The following EYA1 variants were observed in gnomAD, a reference collection of about 807,000 sequenced individuals.
EYA1 encodes the protein protein phosphatase EYA1.
In EYA1, 16 loss-of-function variants were observed where a neutral mutation model predicts 82.0. The ratio of observed to expected loss-of-function variants is 0.20; its 90% CI spans 0.13 to 0.30. The LOEUF (loss-of-function observed/expected upper bound fraction) is 0.30, where lower values mean the gene tolerates loss of function less well. Among genes scored for constraint, EYA1 ranks in the 10% least tolerant of loss-of-function variants. The pLI is 1.00. For synonymous variants in EYA1, 261 were observed against 264.4 expected, an observed-to-expected ratio of 0.99 and a Z score of 0.12; for missense variants, 633 against 730.7, an observed-to-expected ratio of 0.87 and a Z score of 1.54.
At chr8:71,316,312 T>C (rs530908211) in intron 7 of EYA1, among the ~76,000 whole-genome samples, 7 of 152,242 alleles carry the variant, frequency 4.6e-5, no homozygotes, top group African/African-American at 1.7e-4. Flanking sequence ...GGTGTGTAGA[T>C]AAGATATGCA....
At chr8:71,459,516 T>C (rs368614090) in intron 2 of EYA1, among the ~76,000 whole-genome samples, 1 of 152,324 alleles carries the variant, frequency 6.6e-6, no homozygotes, top group East Asian at 1.9e-4. Flanking sequence ...CTTGTCTCCA[T>C]GTTAACCAAG....
At chr8:71,428,797 CAG>C (rs1310187218) in intron 2 of EYA1, among the ~76,000 whole-genome samples, 2 of 152,152 alleles carry the variant, frequency 1.3e-5, no homozygotes, top group Non-Finnish European at 2.9e-5. Context: ...AAAAAAACCT[CAG>C]AGTCATTGTG....
chr8:71,343,947 A>G (rs1825431978), intron 3 of EYA1, among the ~76,000 whole-genome samples: 1 of 152,218 alleles, frequency 6.6e-6, no homozygotes, highest in African/African-American at 2.4e-5. Context: ...TACACAGTGA[A>G]CACCTATAAA....
chr8:71,359,736 C>CT lies in EYA1; in HGVS notation c.-55+1910dup, dbSNP rs1471441607. On this transcript the variant is annotated intron_variant, in intron 1 of 17. Transcript: ENST00000340726. ...TTTATAAAATGACTATAATTTAAAA[C>CT]TTTTTTTTCAAACTGAAAAGAAATT... Among the ~76,000 whole-genome samples, 18 of 151,960 alleles carry CT rather than the reference C, an allele frequency of 1.2e-4. No homozygotes were observed. The East Asian group carries it at 2.7e-3, about 23-fold the overall frequency.
At chr8:71,226,705 T>C (rs1413672595) in intron 12 of EYA1, among the ~76,000 whole-genome samples, 1 of 150,894 alleles carries the variant, frequency 6.6e-6, no homozygotes, top group Non-Finnish European at 1.5e-5. Flanking sequence ...AATTAAAAGA[T>C]AATAGCATAT....
At chr8:71,411,784 C>A (rs1281010373) in intron 2 of EYA1, among the ~76,000 whole-genome samples, 1 of 145,056 alleles carries the variant, frequency 6.9e-6, no homozygotes, top group Non-Finnish European at 1.5e-5. Context: ...GTTGCTGGGA[C>A]TGTAAACTAG....
intron 3 of EYA1, among the ~76,000 whole-genome samples, chr8:71,348,889 A>T (rs185954333): frequency 6.6e-6 from 1 of 152,204 alleles, no homozygotes; most frequent in African/African-American, 2.4e-5. Context: ...AAGTGTGACT[A>T]AATTTATCAC....
intron 2 of EYA1, among the ~76,000 whole-genome samples, chr8:71,472,788 G>GATATATATAT (rs71264559): frequency 0.025 from 3,180 of 126,670 alleles, 70 homozygotes; most frequent in Middle Eastern, 0.041. Flanking sequence ...TAGCTTTGAA[G>GATATATATAT]ATATATATAT....
At chr8:71,510,397 C>T (rs985698165) in intron 2 of EYA1, among the ~76,000 whole-genome samples, 3 of 152,070 alleles carry the variant, frequency 2.0e-5, no homozygotes, top group Non-Finnish European at 4.4e-5. Context: ...TGTATTAGTC[C>T]GTTCTCATGC....
At chr8:71,369,687 A>G (rs1478332804) in intron 2 of EYA1, among the ~76,000 whole-genome samples, 1 of 152,226 alleles carries the variant, frequency 6.6e-6, no homozygotes, top group Admixed American at 6.5e-5. Flanking sequence ...AGCACATAGG[A>G]GGTGCTTGGT....
intron 2 of EYA1, among the ~76,000 whole-genome samples, chr8:71,474,906 T>G (rs895049040): frequency 6.6e-6 from 1 of 152,010 alleles, no homozygotes. Flanking sequence ...CCTAGGTGGG[T>G]GGATCGCCTA....
chr8:71,455,847 A>G (rs909254858), intron 2 of EYA1, among the ~76,000 whole-genome samples: 3 of 152,184 alleles, frequency 2.0e-5, no homozygotes, highest in African/African-American at 7.2e-5. Flanking sequence ...AAACTGGCAC[A>G]AGACAGGGAT....
intron 11 of EYA1, among the ~76,000 whole-genome samples, chr8:71,257,822 A>T (rs553131867): frequency 6.6e-6 from 1 of 152,238 alleles, no homozygotes; most frequent in Non-Finnish European, 1.5e-5. Flanking sequence ...TAAGAAGAGC[A>T]GTAACCCTAG....
chr8:71,470,342 C>A (rs1449971936), intron 2 of EYA1, among the ~76,000 whole-genome samples: 2 of 152,064 alleles, frequency 1.3e-5, no homozygotes, highest in African/African-American at 4.8e-5. Flanking sequence ...ACCTCTCTAT[C>A]CCTGTCATTT....
chr8:71,368,212 A>T (rs931822115), intron 2 of EYA1, among the ~76,000 whole-genome samples: 8 of 150,082 alleles, frequency 5.3e-5, no homozygotes, highest in Non-Finnish European at 1.0e-4. Context: ...ACCCTGGTTG[A>T]TAGAGAGTTA....
chr8:71,514,810 A>G (rs996440626), intron 2 of EYA1, among the ~76,000 whole-genome samples: 10 of 152,104 alleles, frequency 6.6e-5, no homozygotes, highest in African/African-American at 2.4e-4. Context: ...ATCAACTATC[A>G]ATGGTTATTT....
intron 16 of EYA1, among the ~76,000 whole-genome samples, chr8:71,212,069 C>T (rs755725138): frequency 2.4e-4 from 37 of 152,152 alleles, no homozygotes; most frequent in Non-Finnish European, 1.3e-4. Context: ...TGTTTCTTCT[C>T]AGAGAAGAAA....
intron 3 of EYA1, among the ~76,000 whole-genome samples, chr8:71,342,615 CCTA>C (rs1825263483): frequency 6.6e-6 from 1 of 152,240 alleles, no homozygotes; most frequent in South Asian, 2.1e-4. Context: ...ATGACAAAAA[CCTA>C]CTATGAATTT....
intron 2 of EYA1, among the ~76,000 whole-genome samples, chr8:71,500,353 C>T (rs919510202): frequency 1.3e-5 from 2 of 152,106 alleles, no homozygotes; most frequent in Non-Finnish European, 2.9e-5. Flanking sequence ...TACTGGTGTC[C>T]GAAGCTATTA....
Sources: allele counts gnomAD v4.1 joint callset (sites outside exome capture counted in the v4.1 genomes callset), GRCh38; gene constraint gnomAD v4.1.1; transcripts MANE v1.5; gene names NCBI Gene and HGNC (gene_info 2026-07-23, HGNC 2026-07-21).